Variants in AGPS observed in about 807,000 individuals in gnomAD.
AGPS encodes alkyldihydroxyacetonephosphate synthase, peroxisomal.
Under a neutral mutation model 90.7 loss-of-function variants are expected in AGPS, and 26 were observed. The observed-to-expected ratio is 0.29, with a 90% CI of 0.21 to 0.40. The LOEUF (loss-of-function observed/expected upper bound fraction) is 0.40. Ranked by LOEUF, AGPS falls within the 10% of genes least tolerant of loss-of-function variation. The pLI, the probability that AGPS is intolerant of heterozygous loss-of-function variation, is 1.00. For synonymous variants in AGPS, 294 were observed against 285.3 expected, an observed-to-expected ratio of 1.03 and a Z score of -0.31; for missense variants, 540 against 816.1, an observed-to-expected ratio of 0.66 and a Z score of 4.12.
At chr2:177,481,180 G>A (rs535073640) in intron 10 of AGPS, among the ~76,000 whole-genome samples, 6 of 151,872 alleles carry the variant, frequency 4.0e-5, no homozygotes, top group South Asian at 4.1e-4. Context: ...ATTTCTCCCC[G>A]TCTTTACTCT....
intron 12 of AGPS, among the ~76,000 whole-genome samples, chr2:177,493,820 A>T (rs1344091134): frequency 6.6e-6 from 1 of 152,180 alleles, no homozygotes; most frequent in Non-Finnish European, 1.5e-5. Flanking sequence ...ACATGCATGG[A>T]GGAGAGACAC....
intron 16 of AGPS, among the ~76,000 whole-genome samples, chr2:177,510,908 G>A (rs1004129828): frequency 4.6e-5 from 7 of 151,902 alleles, no homozygotes; most frequent in South Asian, 2.1e-4. Context: ...AGGGATTACC[G>A]GTCATACTAG....
At position 177,461,748 on chromosome 2, in the gene AGPS, CT is replaced by C. The variant is rs56895184; in HGVS notation, c.871-129del. 0.19 allele frequency: 87,406 copies of C among 463,098 alleles called. 1,159 individuals are homozygous for C. Among genetic ancestry groups the C allele is most frequent in the East Asian group, 0.3 (5,214 of 17,444 alleles). The allele number at this position is 463,098 out of a possible 1,614,324, so 28.7% of individuals were successfully genotyped here. On this transcript the variant is annotated intron_variant, in intron 8 of 19. Transcript: ENST00000264167. ...TTTAGGACTAGTGTGATAAAAGTATCTTTTTTTTTTTTTTTTGCTATGTAGG... is the reference window on the plus strand; with the variant it reads ...TTTAGGACTAGTGTGATAAAAGTATCTTTTTTTTTTTTTTTGCTATGTAGG...
chr2:177,406,724 T>C (rs182210227), intron 1 of AGPS, among the ~76,000 whole-genome samples: 1 of 152,378 alleles, frequency 6.6e-6, no homozygotes, highest in East Asian at 1.9e-4. Context: ...GTTTTGATTC[T>C]ATTGTTCTCT....
rs1172040227 is a variant in AGPS at position 177,436,139 on chromosome 2, A to ATTTTTTTTTTTTTTTT, written c.442-621_442-606dup. ...GCAATTGAAGAATAAGAAATGCTGAATTTTTTTTTTTTTTTTTTTGCGACA... is the reference window on the plus strand; with the variant it reads ...GCAATTGAAGAATAAGAAATGCTGAATTTTTTTTTTTTTTTTTTTTTTTTTTTTTTTTTTTGCGACA... On this transcript the variant is annotated intron_variant, in intron 3 of 19. Transcript: ENST00000264167. 1.9e-4 allele frequency among the ~76,000 whole-genome samples: 16 copies of ATTTTTTTTTTTTTTTT among 82,124 alleles called. 2 individuals are homozygous for ATTTTTTTTTTTTTTTT. The highest frequency in any genetic ancestry group is 4.4e-4 in the East Asian group (1 of 2,280). 53.9% of individuals were successfully genotyped at this position (82,124 alleles called of 152,430 possible).
chr2:177,524,110 G>A (rs959441665), intron 19 of AGPS, among the ~76,000 whole-genome samples: 3 of 152,072 alleles, frequency 2.0e-5, no homozygotes, highest in Admixed American at 6.6e-5. Flanking sequence ...TACAGCAAAC[G>A]TTTTTAAAGG....
At chr2:177,488,728 T>C (rs1293495129) in intron 11 of AGPS, among the ~76,000 whole-genome samples, 2 of 152,186 alleles carry the variant, frequency 1.3e-5, no homozygotes, top group African/African-American at 4.8e-5. Flanking sequence ...TCCAAGGTAG[T>C]CTCTAGGCTC....
chr2:177,488,126 G>T (rs539840778), intron 11 of AGPS, among the ~76,000 whole-genome samples: 2 of 152,048 alleles, frequency 1.3e-5, no homozygotes, highest in East Asian at 3.9e-4. Flanking sequence ...TGACTTATTA[G>T]TTAGAAGAAG....
At chr2:177,423,661 T>A (rs1055308431) in intron 2 of AGPS, among the ~76,000 whole-genome samples, 13 of 152,210 alleles carry the variant, frequency 8.5e-5, no homozygotes, top group Non-Finnish European at 1.6e-4. Context: ...GTTGATTGTC[T>A]ATATTTTGCA....
intron 10 of AGPS, among the ~76,000 whole-genome samples, chr2:177,476,465 G>A (rs773749406): frequency 4.6e-5 from 7 of 151,906 alleles, no homozygotes; most frequent in Admixed American, 2.6e-4. Flanking sequence ...TCACATATTA[G>A]TTAGCTTTCC....
At chr2:177,459,392 G>C (rs917702080) in intron 8 of AGPS, among the ~76,000 whole-genome samples, 1 of 152,142 alleles carries the variant, frequency 6.6e-6, no homozygotes, top group Non-Finnish European at 1.5e-5. Context: ...GCAACCTACA[G>C]AATGGGAGAA....
chr2:177,450,676 G>A (rs1686911239), intron 8 of AGPS, among the ~76,000 whole-genome samples: 1 of 151,928 alleles, frequency 6.6e-6, no homozygotes, highest in South Asian at 2.1e-4. Context: ...GATTACTATA[G>A]CTTTATCACG....
At chr2:177,412,533 T>C (rs946633674) in intron 1 of AGPS, among the ~76,000 whole-genome samples, 3 of 152,142 alleles carry the variant, frequency 2.0e-5, no homozygotes, top group African/African-American at 7.2e-5. Context: ...CGCTAATCGT[T>C]TTTTTAACTG....
intron 10 of AGPS, among the ~76,000 whole-genome samples, chr2:177,481,289 TATA>T (rs1210167009): frequency 8.5e-5 from 13 of 152,082 alleles, no homozygotes; most frequent in African/African-American, 3.1e-4. Context: ...GCTTTGTGAA[TATA>T]ATAGTTTAAC....
At chr2:177,408,013 C>T (rs1685512316) in intron 1 of AGPS, among the ~76,000 whole-genome samples, 1 of 152,034 alleles carries the variant, frequency 6.6e-6, no homozygotes, top group African/African-American at 2.4e-5. Context: ...AACACCTGGC[C>T]TCAGGTGGTT....
At chr2:177,501,014 T>C (rs1286773421) in intron 14 of AGPS, among the ~76,000 whole-genome samples, 1 of 152,192 alleles carries the variant, frequency 6.6e-6, no homozygotes, top group Non-Finnish European at 1.5e-5. Context: ...ATTAAAGGAC[T>C]GTTTTCTTAA....
intron 17 of AGPS, among the ~76,000 whole-genome samples, chr2:177,520,154 G>A (rs531714400): frequency 3.0e-4 from 46 of 152,280 alleles, no homozygotes; most frequent in South Asian, 2.7e-3. Flanking sequence ...AGGTCTTTAT[G>A]ACCTGTATCT....
intron 1 of AGPS, among the ~76,000 whole-genome samples, chr2:177,396,161 C>A (rs1421416982): frequency 6.6e-6 from 1 of 152,062 alleles, no homozygotes; most frequent in Non-Finnish European, 1.5e-5. Flanking sequence ...AGTTTATATT[C>A]CAGGCAAAGG....
At chr2:177,429,969 G>T (rs1338458276) in intron 2 of AGPS, among the ~76,000 whole-genome samples, 2 of 152,234 alleles carry the variant, frequency 1.3e-5, no homozygotes, top group Non-Finnish European at 2.9e-5. Context: ...TCAGAGTTCT[G>T]TCTGTGTCAC....
Sources: allele counts gnomAD v4.1 joint callset (sites outside exome capture counted in the v4.1 genomes callset), GRCh38; gene constraint gnomAD v4.1.1; transcripts MANE v1.5; gene names NCBI Gene and HGNC (gene_info 2026-07-23, HGNC 2026-07-21).